Variants in STAT4 observed in about 807,000 individuals in gnomAD.
STAT4 encodes the protein signal transducer and activator of transcription 4.
A neutral mutation model predicts 110.5 loss-of-function variants in STAT4; 42 were observed. The observed-to-expected ratio is 0.38, with a 90% CI of 0.30 to 0.49. The LOEUF is 0.49. Among genes scored for constraint, STAT4 ranks in the 20% least tolerant of loss-of-function variants. The pLI, the probability that STAT4 is intolerant of heterozygous loss-of-function variation, is 0.95. For missense variants in STAT4, 632 were observed against 887.9 expected (o/e 0.71, Z 3.66); for synonymous variants, 284 against 302.2 (o/e 0.94, Z 0.63).
chr2:191,065,085 T>C, intron 7 of STAT4, 127 bp from the exon 8 acceptor site: 2 of 994,702 alleles, frequency 2.0e-6, no homozygotes, highest in Non-Finnish European at 2.8e-6. Flanking sequence ...TTTTACTAAA[T>C]GCTAGCTTCT....
Position 191,112,032 on chromosome 2 carries a change from G to C in STAT4, c.273+34581C>G, listed in dbSNP as rs758574612. On this transcript the variant is annotated intron_variant, in intron 3 of 23. Transcript: ENST00000392320. This position sits in a 1 kb window ranked among gnomAD's most constrained non-coding sequence, Gnocchi z 4.3. ...GAAGGGACATGAGGAAACTTTCAAG[G>C]GTGCTGGATATTTTTATTATCTTGA... Among the ~76,000 whole-genome samples, 1 of 151,998 alleles carries C rather than the reference G, an allele frequency of 6.6e-6. No individual in the cohort carries two copies. Among genetic ancestry groups the C allele is most frequent in the Non-Finnish European group, 1.5e-5 (1 of 68,002 alleles).
chr2:191,055,036 G>C (rs1356232371), intron 13 of STAT4, among the ~76,000 whole-genome samples: 13 of 151,638 alleles, frequency 8.6e-5, no homozygotes, highest in Admixed American at 7.9e-4. Flanking sequence ...ATTACTGAAT[G>C]AAAAAAAGAG....
At chr2:191,056,209 G>A (rs564477837) in intron 13 of STAT4, among the ~76,000 whole-genome samples, 8 of 151,976 alleles carry the variant, frequency 5.3e-5, no homozygotes, top group African/African-American at 1.2e-4. Context: ...ATTCAGTGGC[G>A]CCCAAACATT....
At chr2:191,068,868 A>G (rs1376983430) in intron 6 of STAT4, among the ~76,000 whole-genome samples, 1 of 152,072 alleles carries the variant, frequency 6.6e-6, no homozygotes, top group Admixed American at 6.6e-5. Flanking sequence ...TTATTTGTAA[A>G]TCTTAGGACT....
At chr2:191,105,476 G>A (rs1336752480) in intron 3 of STAT4, among the ~76,000 whole-genome samples, 1 of 152,070 alleles carries the variant, frequency 6.6e-6, no homozygotes, top group Non-Finnish European at 1.5e-5. Flanking sequence ...CTGATTATGA[G>A]TACATCAGAT....
chr2:191,076,290 C>T lies in STAT4; in HGVS notation c.309G>A (p.Val103=). The change falls in exon 4 of 24, where the codon GTG becomes GTA. Residue 103 remains valine, a synonymous_variant. Coordinates refer to ENST00000392320, the MANE Select transcript of STAT4 (RefSeq NM_003151.4). The part of the protein sequence containing the change: ...KFHGNPMHVA[V]VISNCLREER... ...CTTCCCTTAAACAGTTTGAAATAAC[C>T]ACAGCTACATGCATTGGATTTCCAT... The T allele has an allele frequency of 6.2e-7, 1 of 1,612,566 alleles. No individual in the cohort carries two copies. The highest frequency in any genetic ancestry group is 8.5e-7 in the Non-Finnish European group (1 of 1,179,354).
In STAT4 at chr2:191,043,771, C is replaced by T. The variant is rs772423016; in HGVS notation, c.1252-2623G>A. Among the ~76,000 whole-genome samples the T allele has an allele frequency of 6.6e-6, 1 of 151,914 alleles. No individual in the cohort carries two copies. The highest frequency in any genetic ancestry group is 1.5e-5 in the Non-Finnish European group (1 of 67,990). ...CTATACAGCGTTGGAATAAATGATC[C>T]ACAGCAACATGAATCAACGTAGGAA... On this transcript the variant is annotated intron_variant, in intron 14 of 23. Transcript: ENST00000392320. The surrounding 1 kb of genome is among the most constrained non-coding windows in gnomAD (Gnocchi z 4.8).
At chr2:191,118,009 C>T (rs1433965250) in intron 3 of STAT4, among the ~76,000 whole-genome samples, 5 of 152,294 alleles carry the variant, frequency 3.3e-5, no homozygotes, top group African/African-American at 1.2e-4. Context: ...ACCAATGCTT[C>T]TATCAAAATA....
intron 3 of STAT4, among the ~76,000 whole-genome samples, chr2:191,101,631 G>C (rs1469049345): frequency 4.6e-5 from 7 of 151,878 alleles, no homozygotes; most frequent in Admixed American, 1.3e-4. Flanking sequence ...TTCATTTATG[G>C]TTTTCATATT....
At position 191,140,298 on chromosome 2, in the gene STAT4, G is replaced by A. The variant is rs914683290; in HGVS notation, c.273+6315C>T. On this transcript the variant is annotated intron_variant, in intron 3 of 23. Transcript: ENST00000392320. The surrounding 1 kb of genome is among the most constrained non-coding windows in gnomAD (Gnocchi z 4.4). ...CACAGCAAAAGAAATAATCAGCCAA[G>A]TAAACAGACAACCCACAGCGTGGGA... 2.6e-5 allele frequency among the ~76,000 whole-genome samples: 4 copies of A among 152,198 alleles called. No individual in the cohort carries two copies. The highest frequency in any genetic ancestry group is 5.9e-5 in the Non-Finnish European group (4 of 68,032).
intron 3 of STAT4, among the ~76,000 whole-genome samples, chr2:191,133,504 C>G (rs1270141923): frequency 6.6e-6 from 1 of 151,526 alleles, no homozygotes; most frequent in Non-Finnish European, 1.5e-5. Context: ...AGTAGTAATT[C>G]CACCTTCCAT....
chr2:191,123,169 T>C (rs928167635), intron 3 of STAT4, among the ~76,000 whole-genome samples: 1 of 152,188 alleles, frequency 6.6e-6, no homozygotes, highest in Admixed American at 6.5e-5. Context: ...TAAGTGAATC[T>C]CGACCACTTT....
rs972969963 is a variant in STAT4 at position 191,099,367 on chromosome 2, A to G, written c.274-23042T>C. Among the ~76,000 whole-genome samples, 1 of 152,148 alleles carries G rather than the reference A, an allele frequency of 6.6e-6. No individual in the cohort carries two copies. Among genetic ancestry groups the G allele is most frequent in the Non-Finnish European group, 1.5e-5 (1 of 67,994 alleles). ...AAGTCCATATCTAGGAATCCATCCA[A>G]TAAAAATAAAAGCACTGGCCCATAA... On this transcript the variant is annotated intron_variant, in intron 3 of 23. Coordinates refer to ENST00000392320, the MANE Select transcript of STAT4 (RefSeq NM_003151.4). This position sits in a 1 kb window ranked among gnomAD's most constrained non-coding sequence, Gnocchi z 4.1.
intron 3 of STAT4, among the ~76,000 whole-genome samples, chr2:191,115,886 G>A (rs1389784977): frequency 6.6e-6 from 1 of 152,164 alleles, no homozygotes; most frequent in Non-Finnish European, 1.5e-5. Flanking sequence ...GTCCAAAAAT[G>A]TACTCTTATT....
intron 3 of STAT4, among the ~76,000 whole-genome samples, chr2:191,080,851 T>A (rs950688954): frequency 6.6e-6 from 1 of 152,176 alleles, no homozygotes; most frequent in Admixed American, 6.5e-5. Context: ...AAAAGTTCTT[T>A]AAAATTTTTT....
rs1267391878 is a variant in STAT4 at position 191,043,544 on chromosome 2, C to T, written c.1252-2396G>A. ...GAAGATGCACATTACCTATACGTAA[C>T]AATTCTTGTTGAATCATCTGATTCT... On this transcript the variant is annotated intron_variant, in intron 14 of 23. Coordinates refer to ENST00000392320, the MANE Select transcript of STAT4 (RefSeq NM_003151.4). The surrounding 1 kb of genome is among the most constrained non-coding windows in gnomAD (Gnocchi z 4.8). Among the ~76,000 whole-genome samples the T allele has an allele frequency of 6.6e-6, 1 of 151,914 alleles. No individual in the cohort carries two copies. Among genetic ancestry groups the T allele is most frequent in the African/African-American group, 2.4e-5 (1 of 41,352 alleles).
chr2:191,068,535 A>G (rs551754639), intron 6 of STAT4: 4 of 152,272 alleles, frequency 2.6e-5, no homozygotes, highest in South Asian at 2.1e-4. Context: ...TTTGGCCACA[A>G]TCATTCATAT....
chr2:191,126,565 T>C lies in STAT4; in HGVS notation c.273+20048A>G, dbSNP rs370786231. ...TGTATCTCCCCACCCACTTCCTCAG[T>C]GGTACGGTTAGTTGTCACACTAGAG... is the stretch of plus-strand genomic sequence containing the variant. On this transcript the variant is annotated intron_variant, in intron 3 of 23. Coordinates refer to ENST00000392320, the MANE Select transcript of STAT4 (RefSeq NM_003151.4). Among the ~76,000 whole-genome samples, 43 of 152,322 alleles carry C rather than the reference T, an allele frequency of 2.8e-4. 1 individual carries two copies. The highest frequency in any genetic ancestry group is 9.1e-4 in the African/African-American group (38 of 41,582).
chr2:191,147,066 G>C lies in STAT4; in HGVS notation c.129-309C>G, dbSNP rs902150065. On this transcript the variant is annotated intron_variant, in intron 2 of 23. Coordinates refer to ENST00000392320, the MANE Select transcript of STAT4 (RefSeq NM_003151.4). The surrounding 1 kb of genome is among the most constrained non-coding windows in gnomAD (Gnocchi z 4.1). ...TGCAATGCTGGTGGGAAGGTAAAAT[G>C]GTCAATCACTGTGGAAAACTATATG... Among the ~76,000 whole-genome samples the C allele has an allele frequency of 7.9e-5, 12 of 152,034 alleles. No individual in the cohort carries two copies. Among genetic ancestry groups the C allele is most frequent in the Non-Finnish European group, 1.6e-4 (11 of 67,964 alleles).
Sources: gnomAD v4.1 joint callset for allele counts (sites outside exome capture counted in the v4.1 genomes callset) on GRCh38, gnomAD v4.1.1 for gene constraint, Gnocchi (gnomAD v3.1) non-coding constraint, MANE v1.5 for transcripts, NCBI Gene and HGNC (gene_info 2026-07-23, HGNC 2026-07-21) for gene names.